The following MAP6 variants were observed in gnomAD, a reference collection of about 807,000 sequenced individuals.
MAP6 encodes microtubule-associated protein 6.
A neutral mutation model predicts 42.4 loss-of-function variants in MAP6; 26 were observed. That is an observed-to-expected ratio of 0.61 (90% CI 0.45 to 0.85). The LOEUF is 0.85. Ranked by LOEUF, MAP6 falls within the 40% of genes least tolerant of loss-of-function variation. The pLI is 0.00. For missense variants in MAP6, 966 were observed against 1,099.0 expected (o/e 0.88, Z 1.71); for synonymous variants, 418 against 443.8 (o/e 0.94, Z 0.73).
intron 1 of MAP6, among the ~76,000 whole-genome samples, chr11:75,613,466 T>A (rs550416878): frequency 3.3e-5 from 5 of 152,016 alleles, no homozygotes; most frequent in Non-Finnish European, 5.9e-5. Context: ...ATTGGGAGGG[T>A]CCCATATCCG....
At chr11:75,665,682 T>G (rs1333421003) in intron 1 of MAP6, among the ~76,000 whole-genome samples, 1 of 152,192 alleles carries the variant, frequency 6.6e-6, no homozygotes, top group Non-Finnish European at 1.5e-5. Context: ...CCTTTGTTTT[T>G]TATGTCTCCT....
In MAP6 at chr11:75,667,414, G is replaced by C; in HGVS notation, c.905+51C>G. The C allele has an allele frequency of 7.2e-7, 1 of 1,383,100 alleles. No individual in the cohort carries two copies. The highest frequency in any genetic ancestry group is 9.4e-7 in the Non-Finnish European group (1 of 1,068,530). The allele number at this position is 1,383,100 out of a possible 1,614,324, so 85.7% of individuals were successfully genotyped here. A position where few individuals can be genotyped will look rare whatever the true frequency, so the allele number is the denominator to read the frequency against. Reference sequence around the variant, plus strand: ...GGATCCTGGGCCCCGGGCAGCCCGCGGGGAGGGTCTGCGTGGTGACTCCCC... The same window carrying C: ...GGATCCTGGGCCCCGGGCAGCCCGCCGGGAGGGTCTGCGTGGTGACTCCCC... On this transcript the variant is annotated intron_variant, in intron 1 of 3. Transcript: ENST00000304771. The surrounding 1 kb of genome is among the most constrained non-coding windows in gnomAD (Gnocchi z 5.6).
At position 75,605,554 on chromosome 11, in the gene MAP6, A is replaced by C. The variant is rs11548115; in HGVS notation, c.1316+254T>G. 4.7e-6 allele frequency: 6 copies of C among 1,275,624 alleles called. No individual in the cohort carries two copies. The African/African-American group carries it at 9.1e-5, about 19-fold the overall frequency. 79.0% of individuals were successfully genotyped at this position (1,275,624 alleles called of 1,614,324 possible). ...CAGCATGCAGTCAGAGTGCCAGGGG[A>C]GGGCACAGCCAGCGGCAACGCTTCC... On this transcript the variant is annotated intron_variant, in intron 3 of 3. Coordinates refer to ENST00000304771, the MANE Select transcript of MAP6 (RefSeq NM_033063.2).
Position 75,588,122 on chromosome 11 carries a change from T to A in MAP6, c.1379A>T (p.Asp460Val). The A allele has an allele frequency of 6.2e-7, 1 of 1,614,124 alleles. No homozygotes were observed. The highest frequency in any genetic ancestry group is 8.5e-7 in the Non-Finnish European group (1 of 1,180,018). The change falls in exon 4 of 4, where the codon GAC becomes GTC. Residue 460 changes from aspartate to valine, a missense_variant. By Grantham distance (152) the Asp-to-Val change is radical. Coordinates refer to ENST00000304771, the MANE Select transcript of MAP6 (RefSeq NM_033063.2). ...KTQGPVATEP[D>V]KDQGSVVPGL... Reference sequence around the variant, plus strand: ...TGGGACCACAGAACCTTGATCCTTGTCTGGCTCTGTGGCTACAGGACCTTG... The same window carrying A: ...TGGGACCACAGAACCTTGATCCTTGACTGGCTCTGTGGCTACAGGACCTTG...
At chr11:75,657,550 C>A (rs1344796074) in intron 1 of MAP6, among the ~76,000 whole-genome samples, 1 of 152,160 alleles carries the variant, frequency 6.6e-6, no homozygotes. Context: ...ATTATCTGGC[C>A]AATAATTGAT....
At chr11:75,600,267 C>T (rs578071847) in intron 3 of MAP6, among the ~76,000 whole-genome samples, 1 of 152,250 alleles carries the variant, frequency 6.6e-6, no homozygotes, top group South Asian at 2.1e-4. Flanking sequence ...CAGAGGAGGA[C>T]ACTAATGCTC....
intron 1 of MAP6, among the ~76,000 whole-genome samples, chr11:75,610,985 C>T (rs913803631): frequency 2.6e-5 from 4 of 152,254 alleles, no homozygotes; most frequent in South Asian, 2.1e-4. Flanking sequence ...CCTTCCTCAC[C>T]CCTCCTCCTC....
chr11:75,625,586 ACAG>A (rs1388120261), intron 1 of MAP6, among the ~76,000 whole-genome samples: 2 of 152,340 alleles, frequency 1.3e-5, no homozygotes, highest in South Asian at 4.1e-4. Context: ...TCAAGGGCAC[ACAG>A]CTAACAAACA....
chr11:75,617,910 C>T (rs1943030990), intron 1 of MAP6, among the ~76,000 whole-genome samples: 1 of 152,118 alleles, frequency 6.6e-6, no homozygotes, highest in Admixed American at 6.6e-5. Flanking sequence ...GGGTCCCCAA[C>T]GATCTGTGTC....
At position 75,608,284 on chromosome 11, in the gene MAP6, T is replaced by G; in HGVS notation, c.944A>C (p.Lys315Thr). Reference protein sequence around the residue: ...FRAWTDIKPVKPIKAKPQYKP... With the variant: ...FRAWTDIKPVTPIKAKPQYKP... ...GTACTGGGGCTTGGCCTTTATTGGT[T>G]TCACAGGCTTGATGTCCGTCCATGC... Residue 315 changes from lysine to threonine, a missense_variant, in exon 2 of 4, where the codon AAA becomes ACA. Around this residue, in one of 2 missense-constraint regions of MAP6, gnomAD observed 943 missense variants for 1,049.9 expected, o/e 0.90. Coordinates refer to ENST00000304771, the MANE Select transcript of MAP6 (RefSeq NM_033063.2). The G allele has an allele frequency of 6.2e-7, 1 of 1,614,228 alleles. No homozygotes were observed. Among genetic ancestry groups the G allele is most frequent in the Non-Finnish European group, 8.5e-7 (1 of 1,180,040 alleles).
At chr11:75,591,362 G>C (rs896694565) in intron 3 of MAP6, among the ~76,000 whole-genome samples, 1 of 152,098 alleles carries the variant, frequency 6.6e-6, no homozygotes, top group African/African-American at 2.4e-5. Context: ...AATCCAAGCA[G>C]CCTGGACAGT....
chr11:75,658,959 C>A (rs1943797645), intron 1 of MAP6, among the ~76,000 whole-genome samples: 1 of 152,286 alleles, frequency 6.6e-6, no homozygotes, highest in Admixed American at 6.5e-5. Context: ...TTTATCAGGG[C>A]ACCTGTAACT....
At chr11:75,636,715 C>T (rs1943375225) in intron 1 of MAP6, among the ~76,000 whole-genome samples, 1 of 152,194 alleles carries the variant, frequency 6.6e-6, no homozygotes, top group African/African-American at 2.4e-5. Context: ...TGTGGACAGC[C>T]CCTGTGCCCC....
chr11:75,658,382 T>C (rs546183702), intron 1 of MAP6, among the ~76,000 whole-genome samples: 1 of 114,184 alleles, frequency 8.8e-6, no homozygotes, highest in Admixed American at 9.7e-5. Flanking sequence ...TAGCTCAGTG[T>C]ATACCATTTC....
intron 3 of MAP6, chr11:75,598,878 C>G: frequency 6.6e-6 from 1 of 152,428 alleles, no homozygotes; most frequent in Non-Finnish European, 1.5e-5. Flanking sequence ...ACACAGGGAG[C>G]AGCTTACCCA....
intron 1 of MAP6, among the ~76,000 whole-genome samples, chr11:75,643,375 T>C (rs2135663365): frequency 6.6e-6 from 1 of 152,260 alleles, no homozygotes; most frequent in Middle Eastern, 3.4e-3. Context: ...AAATCCTTGA[T>C]TTACATATTT....
Position 75,668,466 on chromosome 11 carries a change from G to T in MAP6, c.-97C>A, listed in dbSNP as rs1944005158. On this transcript the variant is annotated 5_prime_UTR_variant, in exon 1 of 4. Transcript: ENST00000304771. ...GCCTCCGATCCTGACCGGCCAATGTGGTTCCCACCGTTTTCTACCCCCGAT... is the reference window on the plus strand; with the variant it reads ...GCCTCCGATCCTGACCGGCCAATGTTGTTCCCACCGTTTTCTACCCCCGAT... 2.1e-6 allele frequency: 3 copies of T among 1,395,592 alleles called. No homozygotes were observed. In the South Asian group the frequency reaches 5.1e-5, roughly 24 times the overall value. 86.5% of individuals were successfully genotyped at this position (1,395,592 alleles called of 1,614,324 possible). A position where few individuals can be genotyped will look rare whatever the true frequency, so the allele number is the denominator to read the frequency against.
chr11:75,605,552 G>C, intron 3 of MAP6: 1 of 1,277,818 alleles, frequency 7.8e-7, no homozygotes, highest in Non-Finnish European at 9.9e-7. Context: ...GAGTGCCAGG[G>C]GAGGGCACAG....
chr11:75,597,876 C>T (rs1226717918), intron 3 of MAP6, among the ~76,000 whole-genome samples: 1 of 152,170 alleles, frequency 6.6e-6, no homozygotes, highest in Non-Finnish European at 1.5e-5. Flanking sequence ...AGTGGATTCA[C>T]CTTGTGTAGC....
Sources: allele counts gnomAD v4.1 joint callset (sites outside exome capture counted in the v4.1 genomes callset), GRCh38; gene constraint gnomAD v4.1.1; regional missense constraint gnomAD v4.1.1; non-coding constraint Gnocchi (gnomAD v3.1); transcripts MANE v1.5; gene names NCBI Gene and HGNC (gene_info 2026-07-23, HGNC 2026-07-21).